The following AFF3 variants were observed in gnomAD, a reference collection of about 807,000 sequenced individuals.
AFF3 encodes AF4/FMR2 family member 3.
AFF3 carries 32 observed loss-of-function variants against 129.7 expected under a neutral mutation model. That is an observed-to-expected ratio of 0.25 (90% confidence interval 0.19 to 0.33). The LOEUF is 0.33. Among genes scored for constraint, AFF3 ranks in the 10% least tolerant of loss-of-function variants. The probability of loss-of-function intolerance (pLI) is 1.00; values close to 1 mark genes in which losing one functional copy is unlikely to be tolerated. For missense variants in AFF3, 1,373 were observed against 1,592.0 expected, an observed-to-expected ratio of 0.86 and a Z score of 2.34; for synonymous variants, 644 against 635.4, an observed-to-expected ratio of 1.01 and a Z score of -0.20.
At chr2:99,759,336 T>C (rs1682387841) in intron 8 of AFF3, among the ~76,000 whole-genome samples, 1 of 152,264 alleles carries the variant, frequency 6.6e-6, no homozygotes, top group Admixed American at 6.5e-5. Flanking sequence ...TCAGTTTTAC[T>C]AGGCATAATC....
intron 11 of AFF3, among the ~76,000 whole-genome samples, chr2:99,699,400 T>G (rs1676620454): frequency 6.6e-6 from 1 of 152,142 alleles, no homozygotes; most frequent in Non-Finnish European, 1.5e-5. Context: ...TAAATGACAC[T>G]CATTTAATAA....
At chr2:99,689,044 C>A (rs1466865270) in intron 11 of AFF3, among the ~76,000 whole-genome samples, 1 of 152,170 alleles carries the variant, frequency 6.6e-6, no homozygotes, top group Non-Finnish European at 1.5e-5. Flanking sequence ...TCCCTACAGA[C>A]AACAAAACTC....
chr2:99,769,363 CTT>C (rs1159938226), intron 8 of AFF3, among the ~76,000 whole-genome samples: 1 of 152,126 alleles, frequency 6.6e-6, no homozygotes, highest in African/African-American at 2.4e-5. Flanking sequence ...ATTTCAATCT[CTT>C]TGTTAAATTT....
intron 7 of AFF3, among the ~76,000 whole-genome samples, chr2:99,983,024 T>C (rs998733699): frequency 6.6e-6 from 1 of 152,236 alleles, no homozygotes; most frequent in East Asian, 1.9e-4. Context: ...ATACAGAGTA[T>C]AATCCATACA....
intron 8 of AFF3, among the ~76,000 whole-genome samples, chr2:99,822,657 C>T (rs150708612): frequency 6.8e-4 from 103 of 152,260 alleles, no homozygotes; most frequent in African/African-American, 2.4e-3. Context: ...GGGCTGCTGA[C>T]AATCTTTCTA....
intron 4 of AFF3, among the ~76,000 whole-genome samples, chr2:100,030,869 A>AT (rs1316283210): frequency 3.3e-5 from 5 of 152,148 alleles, no homozygotes; most frequent in African/African-American, 2.4e-5. Context: ...AGTACAGGAG[A>AT]TTTTTTAGGG....
chr2:99,752,336 T>A, intron 8 of AFF3, 35 bp from the exon 9 acceptor site: 1 of 1,558,198 alleles, frequency 6.4e-7, no homozygotes, highest in Non-Finnish European at 8.8e-7. Context: ...AATATTGTGA[T>A]ACAGACAGTA....
At chr2:99,851,498 C>T (rs577208145) in intron 7 of AFF3, among the ~76,000 whole-genome samples, 1 of 152,348 alleles carries the variant, frequency 6.6e-6, no homozygotes, top group East Asian at 1.9e-4. Flanking sequence ...CACTTTGTCT[C>T]ATACTCCGAG....
At chr2:99,776,296 AG>A (rs1378334921) in intron 8 of AFF3, among the ~76,000 whole-genome samples, 1 of 152,244 alleles carries the variant, frequency 6.6e-6, no homozygotes, top group African/African-American at 2.4e-5. Context: ...ACAGAAGAGT[AG>A]GGGTCAGTTT....
intron 14 of AFF3, among the ~76,000 whole-genome samples, chr2:99,596,109 G>T (rs557425109): frequency 1.3e-5 from 2 of 152,334 alleles, no homozygotes; most frequent in South Asian, 4.1e-4. Context: ...ATTTTTCTTT[G>T]CTTGTTTTCA....
intron 7 of AFF3, among the ~76,000 whole-genome samples, chr2:99,952,678 T>C (rs1224213770): frequency 6.6e-6 from 1 of 152,206 alleles, no homozygotes; most frequent in Non-Finnish European, 1.5e-5. Flanking sequence ...ACGATACTAT[T>C]TATGATGAAA....
intron 4 of AFF3, among the ~76,000 whole-genome samples, chr2:100,056,061 TCTCACACACACACACACA>T (rs1409391289): frequency 6.1e-4 from 82 of 133,536 alleles, no homozygotes; most frequent in African/African-American, 2.0e-3. Flanking sequence ...GCTGTCTCTC[TCTCACACACACACACACA>T]CACACACACA....
chr2:99,989,043 G>A (rs960079869), intron 7 of AFF3, among the ~76,000 whole-genome samples: 1 of 152,168 alleles, frequency 6.6e-6, no homozygotes, highest in Non-Finnish European at 1.5e-5. Context: ...AATGATGGGA[G>A]CAAACCAAAG....
At chr2:99,798,289 CA>C (rs1558861074) in intron 8 of AFF3, among the ~76,000 whole-genome samples, 1 of 151,320 alleles carries the variant, frequency 6.6e-6, no homozygotes, top group East Asian at 1.9e-4. Flanking sequence ...TAAATGAAAA[CA>C]AAAAAATAAC....
intron 16 of AFF3, among the ~76,000 whole-genome samples, chr2:99,586,757 G>C (rs1678160260): frequency 1.3e-5 from 2 of 152,106 alleles, no homozygotes; most frequent in Admixed American, 1.3e-4. Flanking sequence ...ATTGCTTTAG[G>C]TGCTACACAT....
chr2:99,675,340 C>T (rs542594162), intron 11 of AFF3, among the ~76,000 whole-genome samples: 1 of 152,280 alleles, frequency 6.6e-6, no homozygotes, highest in East Asian at 1.9e-4. Context: ...ATTCCCGGAG[C>T]AATCCTGGGT....
intron 10 of AFF3, among the ~76,000 whole-genome samples, chr2:99,737,111 C>G (rs925873291): frequency 1.3e-5 from 2 of 152,088 alleles, no homozygotes; most frequent in Non-Finnish European, 2.9e-5. Context: ...CAAATATTTA[C>G]TTAATTTATC....
chr2:99,770,505 C>CA (rs1558833813), intron 8 of AFF3, among the ~76,000 whole-genome samples: 1 of 152,166 alleles, frequency 6.6e-6, no homozygotes, highest in Non-Finnish European at 1.5e-5. Context: ...ACCTAAGGTG[C>CA]AAGACCAAGT....
intron 10 of AFF3, among the ~76,000 whole-genome samples, chr2:99,732,063 A>G (rs996705172): frequency 6.6e-6 from 1 of 152,100 alleles, no homozygotes; most frequent in African/African-American, 2.4e-5. Flanking sequence ...GCTATTGGTA[A>G]AAGAATTGTG....
Sources: gnomAD v4.1 joint callset for allele counts (sites outside exome capture counted in the v4.1 genomes callset) on GRCh38, gnomAD v4.1.1 for gene constraint, MANE v1.5 for transcripts, NCBI Gene and HGNC (gene_info 2026-07-23, HGNC 2026-07-21) for gene names.